The following LMTK2 variants were observed in gnomAD, a reference collection of about 807,000 sequenced individuals.
LMTK2 encodes the protein lemur tail kinase 2.
In LMTK2, 37 loss-of-function variants were observed where a neutral mutation model predicts 127.5. That is an observed-to-expected ratio of 0.29 (90% CI 0.22 to 0.38). The LOEUF is 0.38. Among genes scored for constraint, LMTK2 ranks in the 10% least tolerant of loss-of-function variants. The probability of loss-of-function intolerance (pLI) is 1.00; values close to 1 mark genes in which losing one functional copy is unlikely to be tolerated. For missense variants in LMTK2, 1,694 were observed against 1,920.3 expected (o/e 0.88, Z 2.20); for synonymous variants, 819 against 810.1 (o/e 1.01, Z -0.19).
chr7:98,130,947 T>C (rs572216478), intron 1 of LMTK2, among the ~76,000 whole-genome samples: 1 of 152,330 alleles, frequency 6.6e-6, no homozygotes, highest in East Asian at 1.9e-4. Context: ...ATATCTGCTT[T>C]CTTCCATTTA....
chr7:98,124,189 C>T (rs1220037892), intron 1 of LMTK2, among the ~76,000 whole-genome samples: 1 of 152,138 alleles, frequency 6.6e-6, no homozygotes, highest in Admixed American at 6.5e-5. Flanking sequence ...TCCATGTCCC[C>T]TTTTCCCTCC....
At chr7:98,191,090 T>C (rs1797516385) in intron 10 of LMTK2, among the ~76,000 whole-genome samples, 1 of 152,182 alleles carries the variant, frequency 6.6e-6, no homozygotes, top group Admixed American at 6.5e-5. Context: ...GTAAATTCTT[T>C]TCATATTGTT....
At chr7:98,118,376 G>A (rs1235463378) in intron 1 of LMTK2, among the ~76,000 whole-genome samples, 1 of 152,128 alleles carries the variant, frequency 6.6e-6, no homozygotes, top group Non-Finnish European at 1.5e-5. Flanking sequence ...GGATTATTTT[G>A]GGGGGTCTTT....
At chr7:98,137,754 T>C (rs1428424965) in intron 2 of LMTK2, among the ~76,000 whole-genome samples, 1 of 152,228 alleles carries the variant, frequency 6.6e-6, no homozygotes, top group East Asian at 1.9e-4. Context: ...GCCTCTGTCA[T>C]TGACAATAAC....
At chr7:98,188,196 C>G (rs1248625082) in intron 9 of LMTK2, among the ~76,000 whole-genome samples, 1 of 152,134 alleles carries the variant, frequency 6.6e-6, no homozygotes, top group Non-Finnish European at 1.5e-5. Context: ...CTTCTACTCT[C>G]TACTTCTATG....
chr7:98,205,530 C>G lies in LMTK2; in HGVS notation c.*38C>G, dbSNP rs1306878629. The G allele has an allele frequency of 1.9e-6, 3 of 1,609,014 alleles. No homozygotes were observed. Among genetic ancestry groups the G allele is most frequent in the African/African-American group, 1.3e-5 (1 of 75,032 alleles). ...GCGCACGCTCGGGTCCGAGGCTGCT[C>G]CCCTGGAGCGGCGCCCCTGCGCCCT... On this transcript the variant is annotated 3_prime_UTR_variant, in exon 14 of 14. Coordinates refer to ENST00000297293, the MANE Select transcript of LMTK2 (RefSeq NM_014916.4).
intron 3 of LMTK2, among the ~76,000 whole-genome samples, chr7:98,142,279 G>A (rs925379231): frequency 6.6e-6 from 1 of 152,168 alleles, no homozygotes; most frequent in Non-Finnish European, 1.5e-5. Flanking sequence ...GCTCTGCCTA[G>A]GGCAGAATAA....
intron 11 of LMTK2, among the ~76,000 whole-genome samples, chr7:98,198,440 C>T (rs1019825390): frequency 6.6e-5 from 10 of 152,280 alleles, no homozygotes; most frequent in Admixed American, 2.6e-4. Context: ...CTGCCCACCT[C>T]GGCCTCCCAG....
chr7:98,181,772 C>G (rs1396130392), intron 7 of LMTK2, among the ~76,000 whole-genome samples: 1 of 151,952 alleles, frequency 6.6e-6, no homozygotes, highest in Non-Finnish European at 1.5e-5. Flanking sequence ...GATTCTCCTG[C>G]CTCAGCCTCC....
At chr7:98,200,126 T>G (rs902454972) in intron 11 of LMTK2, among the ~76,000 whole-genome samples, 1 of 152,194 alleles carries the variant, frequency 6.6e-6, no homozygotes, top group Non-Finnish European at 1.5e-5. Flanking sequence ...TTGTAGTGGT[T>G]GTTCTGGGGG....
chr7:98,194,032 G>A lies in LMTK2; in HGVS notation c.3567G>A (p.Gln1189=). Reference sequence around the variant, plus strand: ...AGCCAGCACAGACTGGTGTTCCCCAGCAGGTGCATCCCACGGAAGACGAGG... The same window carrying A: ...AGCCAGCACAGACTGGTGTTCCCCAACAGGTGCATCCCACGGAAGACGAGG... ...TPEPAQTGVP[Q]QVHPTEDEAS... The change falls in exon 11 of 14, where the codon CAG becomes CAA. Residue 1189 remains glutamine, a synonymous_variant. Transcript: ENST00000297293. The surrounding 1 kb of genome is among the most constrained non-coding windows in gnomAD (Gnocchi z 5.4). 6.2e-7 allele frequency: 1 copy of A among 1,614,142 alleles called. No homozygotes were observed. The highest frequency in any genetic ancestry group is 8.5e-7 in the Non-Finnish European group (1 of 1,180,038).
At chr7:98,151,876 C>T (rs1472491186) in intron 4 of LMTK2, among the ~76,000 whole-genome samples, 6 of 152,248 alleles carry the variant, frequency 3.9e-5, no homozygotes, top group African/African-American at 1.4e-4. Context: ...AAATCCCTTT[C>T]CCTCCCAGAG....
intron 1 of LMTK2, among the ~76,000 whole-genome samples, chr7:98,109,642 G>A (rs947526001): frequency 7.9e-5 from 12 of 151,512 alleles, no homozygotes; most frequent in Admixed American, 2.0e-4. Flanking sequence ...TATTTGGGAG[G>A]CTGAGGCAGG....
intron 11 of LMTK2, among the ~76,000 whole-genome samples, chr7:98,196,161 C>G (rs550342421): frequency 6.6e-6 from 1 of 151,796 alleles, no homozygotes; most frequent in Non-Finnish European, 1.5e-5. Context: ...TGCACTCCAG[C>G]CTGGGTGACA....
intron 1 of LMTK2, among the ~76,000 whole-genome samples, chr7:98,109,904 C>G (rs1796175784): frequency 1.3e-5 from 2 of 152,050 alleles, no homozygotes; most frequent in African/African-American, 2.4e-5. Flanking sequence ...TTAAGCTAAT[C>G]CTGACTAGTG....
At chr7:98,128,615 T>C (rs1337407675) in intron 1 of LMTK2, among the ~76,000 whole-genome samples, 1 of 152,236 alleles carries the variant, frequency 6.6e-6, no homozygotes, top group African/African-American at 2.4e-5. Context: ...AGATTCCTGT[T>C]TTGTTCCTAA....
At chr7:98,124,217 G>A (rs1280397480) in intron 1 of LMTK2, among the ~76,000 whole-genome samples, 1 of 152,148 alleles carries the variant, frequency 6.6e-6, no homozygotes, top group Admixed American at 6.5e-5. Flanking sequence ...CCTCACATCT[G>A]CCAGCAAGTC....
rs777312496 is a variant in LMTK2, at chr7:98,151,384, G to A, written c.379G>A (p.Gly127Arg). The A allele has an allele frequency of 5.8e-5, 94 of 1,608,146 alleles. No individual in the cohort carries two copies. The Middle Eastern group carries it at 6.6e-4, about 11-fold the overall frequency. ...TTTTAATGTTTTTTTCTCTACAGAG[G>A]GATTGAAGTCTCAAGTTGCCCGCCA... The part of the protein sequence containing the change: ...APSQFQPSVE[G>R]LKSQVARHSL... Residue 127 changes from glycine (G) to arginine (R), a missense_variant and splice_region_variant, in exon 4 of 14, where the codon GGA becomes AGA. This residue lies in a region of LMTK2 where 203 missense variants were observed against 226.2 expected (regional missense o/e 0.90). Coordinates refer to ENST00000297293, the MANE Select transcript of LMTK2 (RefSeq NM_014916.4).
At position 98,171,888 on chromosome 7, in the gene LMTK2, T is replaced by A. The variant is rs888778566; in HGVS notation, c.791+214T>A. Among the ~76,000 whole-genome samples the A allele has an allele frequency of 2.6e-5, 4 of 152,240 alleles. No individual in the cohort carries two copies. The highest frequency in any genetic ancestry group is 9.6e-5 in the African/African-American group (4 of 41,462). ...CAGGGAATAAGATGTCTTAATACAT[T>A]TATTATTTCCAGCATTTCAAAGAAT... On this transcript the variant is annotated intron_variant, in intron 7 of 13. Coordinates refer to ENST00000297293, the MANE Select transcript of LMTK2 (RefSeq NM_014916.4). This position sits in a 1 kb window ranked among gnomAD's most constrained non-coding sequence, Gnocchi z 5.1.
Sources: allele counts gnomAD v4.1 joint callset (sites outside exome capture counted in the v4.1 genomes callset), GRCh38; gene constraint gnomAD v4.1.1; regional missense constraint gnomAD v4.1.1; non-coding constraint Gnocchi (gnomAD v3.1); transcripts MANE v1.5; gene names NCBI Gene and HGNC (gene_info 2026-07-23, HGNC 2026-07-21).